Variants in NXPH2 observed in about 807,000 individuals in gnomAD.
NXPH2 encodes the protein neurexophilin-2.
NXPH2 carries 5 observed loss-of-function variants against 19.8 expected under a neutral mutation model. That is an observed-to-expected ratio of 0.25 (90% CI 0.13 to 0.53). The LOEUF (loss-of-function observed/expected upper bound fraction) is 0.53, where lower values mean the gene tolerates loss of function less well. NXPH2 is among the 20% of genes least tolerant of loss of function. NXPH2 has a pLI of 0.96. For missense variants in NXPH2, 289 were observed against 322.8 expected, an observed-to-expected ratio of 0.90 and a Z score of 0.80; for synonymous variants, 154 against 127.4, an observed-to-expected ratio of 1.21 and a Z score of -1.41.
chr2:138,709,356 C>T (rs1319251852), intron 1 of NXPH2, among the ~76,000 whole-genome samples: 1 of 151,944 alleles, frequency 6.6e-6, no homozygotes, highest in African/African-American at 2.4e-5. Flanking sequence ...TCATCTTAAC[C>T]ATTATTAACA....
chr2:138,759,864 G>A (rs1681981289), intron 1 of NXPH2, among the ~76,000 whole-genome samples: 1 of 151,598 alleles, frequency 6.6e-6, no homozygotes, highest in African/African-American at 2.4e-5. Flanking sequence ...CGCTTAGCTG[G>A]GACTATAGGC....
At chr2:138,682,774 G>T (rs1260484820) in intron 1 of NXPH2, among the ~76,000 whole-genome samples, 1 of 152,186 alleles carries the variant, frequency 6.6e-6, no homozygotes, top group African/African-American at 2.4e-5. Flanking sequence ...TAGTTTTATT[G>T]CTAAGGTTAA....
chr2:138,703,310 A>G (rs1472128761), intron 1 of NXPH2, among the ~76,000 whole-genome samples: 1 of 152,222 alleles, frequency 6.6e-6, no homozygotes, highest in Non-Finnish European at 1.5e-5. Flanking sequence ...GAGTCTAACT[A>G]ATGAACGTCT....
chr2:138,704,121 G>A (rs547397088), intron 1 of NXPH2, among the ~76,000 whole-genome samples: 28 of 152,328 alleles, frequency 1.8e-4, no homozygotes, highest in African/African-American at 6.0e-4. Context: ...GACAATGCCT[G>A]GGATACAGGA....
intron 1 of NXPH2, among the ~76,000 whole-genome samples, chr2:138,674,814 C>T (rs545617339): frequency 3.9e-5 from 6 of 152,316 alleles, no homozygotes; most frequent in African/African-American, 1.4e-4. Context: ...GATCATGATT[C>T]TTGCTGCCCA....
chr2:138,741,521 G>A (rs1488392346), intron 1 of NXPH2, among the ~76,000 whole-genome samples: 1 of 152,176 alleles, frequency 6.6e-6, no homozygotes, highest in Non-Finnish European at 1.5e-5. Context: ...AAAAATCCCA[G>A]TGATTTTGGT....
intron 1 of NXPH2, among the ~76,000 whole-genome samples, chr2:138,769,946 A>C (rs754265301): frequency 1.3e-5 from 2 of 152,216 alleles, no homozygotes; most frequent in Non-Finnish European, 2.9e-5. Flanking sequence ...AGTGTGCAGT[A>C]AGTTTTTAAA....
chr2:138,671,302 T>A lies in NXPH2; in HGVS notation c.415A>T (p.Asn139Tyr). The change falls in exon 2 of 2, where the codon AAT becomes TAT. Residue 139 changes from asparagine (N) to tyrosine (Y), a missense_variant. By Grantham distance (143) the Asn-to-Tyr change is moderately radical (BLOSUM62 -2). Coordinates refer to ENST00000272641, the MANE Select transcript of NXPH2 (RefSeq NM_007226.3). ...CGGAAATACACACTGAAGGTTCCATTTCCATGGTCAACAATTTTCCCTGTG... is the reference window on the plus strand; with the variant it reads ...CGGAAATACACACTGAAGGTTCCATATCCATGGTCAACAATTTTCCCTGTG... The part of the protein sequence containing the change: ...LITGKIVDHG[N>Y]GTFSVYFRHN... 6.2e-7 allele frequency: 1 copy of A among 1,613,872 alleles called. No homozygotes were observed. Among genetic ancestry groups the A allele is most frequent in the East Asian group, 2.2e-5 (1 of 44,874 alleles).
chr2:138,678,243 G>T (rs1680516657), intron 1 of NXPH2, among the ~76,000 whole-genome samples: 1 of 152,290 alleles, frequency 6.6e-6, no homozygotes, highest in East Asian at 1.9e-4. Flanking sequence ...TTACGCTAGG[G>T]TTAGGGGTTT....
At chr2:138,724,411 G>T (rs1322584925) in intron 1 of NXPH2, among the ~76,000 whole-genome samples, 1 of 152,214 alleles carries the variant, frequency 6.6e-6, no homozygotes, top group Non-Finnish European at 1.5e-5. Flanking sequence ...AATGAACTCA[G>T]GTCTGATCAC....
At chr2:138,768,544 G>A (rs942894527) in intron 1 of NXPH2, among the ~76,000 whole-genome samples, 1 of 152,174 alleles carries the variant, frequency 6.6e-6, no homozygotes, top group African/African-American at 2.4e-5. Flanking sequence ...GGATTGTAGA[G>A]ACAGGGAAAA....
intron 1 of NXPH2, among the ~76,000 whole-genome samples, chr2:138,707,079 G>C (rs67622772): frequency 0.6 from 55,296 of 92,716 alleles, 15,297 homozygotes; most frequent in South Asian, 0.78. Flanking sequence ...ATGACTTTAA[G>C]TACTTGCCCC....
chr2:138,774,693 A>C (rs1360292552), intron 1 of NXPH2, among the ~76,000 whole-genome samples: 2 of 152,156 alleles, frequency 1.3e-5, no homozygotes, highest in African/African-American at 4.8e-5. Flanking sequence ...ACACACACTC[A>C]CACCCTTGGA....
intron 1 of NXPH2, among the ~76,000 whole-genome samples, chr2:138,711,725 C>A (rs866536394): frequency 1.3e-5 from 2 of 152,202 alleles, no homozygotes; most frequent in African/African-American, 2.4e-5. Context: ...ACAGACATGT[C>A]CCCTCCAGCT....
At chr2:138,732,905 A>T (rs1056834688) in intron 1 of NXPH2, among the ~76,000 whole-genome samples, 4 of 152,220 alleles carry the variant, frequency 2.6e-5, no homozygotes, top group Non-Finnish European at 5.9e-5. Context: ...AAAAGAAAAA[A>T]TTCAGAGGCA....
chr2:138,754,775 C>T (rs546192031), intron 1 of NXPH2, among the ~76,000 whole-genome samples: 63 of 152,132 alleles, frequency 4.1e-4, no homozygotes, highest in African/African-American at 1.5e-3. Flanking sequence ...AACTGTCTTC[C>T]AAATATTACA....
At chr2:138,727,579 A>G (rs1282342864) in intron 1 of NXPH2, among the ~76,000 whole-genome samples, 2 of 148,212 alleles carry the variant, frequency 1.3e-5, no homozygotes, top group Non-Finnish European at 3.0e-5. Flanking sequence ...TTTGACTCAC[A>G]TTAAAATCTG....
chr2:138,753,286 T>C (rs80342622), intron 1 of NXPH2, among the ~76,000 whole-genome samples: 6,456 of 152,276 alleles, frequency 0.042, 168 homozygotes, highest in African/African-American at 0.066. Flanking sequence ...CTGAGGGTTC[T>C]TTCAGTTGGC....
At chr2:138,687,753 A>G (rs964361075) in intron 1 of NXPH2, among the ~76,000 whole-genome samples, 2 of 152,238 alleles carry the variant, frequency 1.3e-5, no homozygotes, top group African/African-American at 2.4e-5. Flanking sequence ...AGCTTTCTAC[A>G]TATGGCTAGC....
Sources: gnomAD v4.1 joint callset for allele counts (sites outside exome capture counted in the v4.1 genomes callset) on GRCh38, gnomAD v4.1.1 for gene constraint, MANE v1.5 for transcripts, NCBI Gene and HGNC (gene_info 2026-07-23, HGNC 2026-07-21) for gene names.